DIS3L2: variants seen among roughly 807,000 people sequenced by gnomAD.
DIS3L2 encodes the protein DIS3 like 3'-5' exoribonuclease 2.
DIS3L2 carries 34 observed loss-of-function variants against 97.5 expected under a neutral mutation model. The ratio of observed to expected loss-of-function variants is 0.35; its 90% CI spans 0.27 to 0.46. The LOEUF (loss-of-function observed/expected upper bound fraction) is 0.46, where lower values mean the gene tolerates loss of function less well. Among genes scored for constraint, DIS3L2 ranks in the 20% least tolerant of loss-of-function variants. DIS3L2 has a pLI of 1.00. For missense variants in DIS3L2, 1,038 were observed against 1,146.0 expected, an observed-to-expected ratio of 0.91 and a Z score of 1.36; for synonymous variants, 435 against 445.2, an observed-to-expected ratio of 0.98 and a Z score of 0.29.
intron 6 of DIS3L2, among the ~76,000 whole-genome samples, chr2:232,119,813 G>C (rs1321616494): frequency 1.3e-5 from 2 of 152,208 alleles, no homozygotes; most frequent in African/African-American, 4.8e-5. Context: ...TGAAGCCACT[G>C]CATGGCCAGC....
intron 5 of DIS3L2, among the ~76,000 whole-genome samples, chr2:232,056,377 A>G (rs1695550521): frequency 6.6e-6 from 1 of 151,610 alleles, no homozygotes; most frequent in Non-Finnish European, 1.5e-5. Flanking sequence ...AACAACAACA[A>G]CAACAACAAC....
At chr2:232,109,014 A>G (rs1157073788) in intron 6 of DIS3L2, among the ~76,000 whole-genome samples, 1 of 152,258 alleles carries the variant, frequency 6.6e-6, no homozygotes, top group Non-Finnish European at 1.5e-5. Context: ...TGCTATTCCC[A>G]TTAAACTACC....
chr2:232,336,393 G>A, intron 20 of DIS3L2, 76 bp from the exon 21 acceptor site: 2 of 1,553,554 alleles, frequency 1.3e-6, no homozygotes, highest in Admixed American at 3.9e-5. Flanking sequence ...GGGTCCTGCT[G>A]CAGGGATGGA....
chr2:232,337,195 CTG>C (rs1695988378), downstream of DIS3L2: 1 of 992,586 alleles, frequency 1.0e-6, no homozygotes, highest in East Asian at 1.1e-4. Flanking sequence ...GTATGCAACA[CTG>C]AGAGCGCCCC....
intron 13 of DIS3L2, among the ~76,000 whole-genome samples, chr2:232,284,314 T>C (rs900006091): frequency 6.6e-6 from 1 of 152,196 alleles, no homozygotes; most frequent in Non-Finnish European, 1.5e-5. Context: ...AGGGCTGCAG[T>C]TGTGTGACCC....
chr2:232,092,297 G>A (rs939889555), intron 6 of DIS3L2, among the ~76,000 whole-genome samples: 32 of 152,126 alleles, frequency 2.1e-4, no homozygotes, highest in Non-Finnish European at 8.8e-5. Context: ...GTACCATGCC[G>A]TTTTGGTTAC....
chr2:232,176,577 T>C (rs1226261979), intron 9 of DIS3L2, among the ~76,000 whole-genome samples: 1 of 151,202 alleles, frequency 6.6e-6, no homozygotes, highest in Non-Finnish European at 1.5e-5. Flanking sequence ...AGTTCAGATC[T>C]TTCTATGTTT....
chr2:231,968,679 A>T (rs1173891629), intron 1 of DIS3L2, among the ~76,000 whole-genome samples: 1 of 152,244 alleles, frequency 6.6e-6, no homozygotes, highest in Non-Finnish European at 1.5e-5. Flanking sequence ...AATTTTGTTT[A>T]CAAGGCTTTG....
At chr2:232,329,790 C>CGGGGG in intron 14 of DIS3L2, 23 bp from the exon 15 acceptor site, 13 of 315,318 alleles carry the variant, frequency 4.1e-5, no homozygotes, top group Non-Finnish European at 6.9e-5. Context: ...AGCGGTCCCT[C>CGGGGG]CCATCCCACC....
At chr2:231,999,561 A>T (rs540649145) in intron 1 of DIS3L2, among the ~76,000 whole-genome samples, 1 of 152,152 alleles carries the variant, frequency 6.6e-6, no homozygotes, top group Non-Finnish European at 1.5e-5. Context: ...AACATTGACA[A>T]ACTTGGCTCG....
chr2:232,003,865 T>A lies in DIS3L2; in HGVS notation c.-93-10970T>A, dbSNP rs1329772858. The stretch of plus-strand genomic sequence containing the variant: ...TTGAGGTATTTCTTTTTATGTTGAC[T>A]GCTTTAGATTTTCTCTGTATTGTTC... On this transcript the variant is annotated intron_variant, in intron 1 of 20. Transcript: ENST00000325385. 2.6e-5 allele frequency among the ~76,000 whole-genome samples: 4 copies of A among 152,240 alleles called. No homozygotes were observed. The South Asian group carries it at 6.2e-4, about 24-fold the overall frequency.
At chr2:232,045,926 C>T (rs1574834851) in intron 5 of DIS3L2, among the ~76,000 whole-genome samples, 1 of 152,026 alleles carries the variant, frequency 6.6e-6, no homozygotes. Flanking sequence ...CCACCTGCCT[C>T]GGCCTCCCAA....
At chr2:232,236,983 C>G (rs933987198) in intron 10 of DIS3L2, among the ~76,000 whole-genome samples, 3 of 152,162 alleles carry the variant, frequency 2.0e-5, no homozygotes, top group Admixed American at 6.5e-5. Context: ...CTCCTGGCCT[C>G]AAGTGATCCG....
chr2:232,244,271 A>C (rs1316446891), intron 11 of DIS3L2, among the ~76,000 whole-genome samples: 1 of 152,108 alleles, frequency 6.6e-6, no homozygotes, highest in Non-Finnish European at 1.5e-5. Flanking sequence ...ATCACAGGCA[A>C]ATCCCCAGCT....
At chr2:232,068,194 G>A (rs949185002) in intron 5 of DIS3L2, among the ~76,000 whole-genome samples, 5 of 152,118 alleles carry the variant, frequency 3.3e-5, no homozygotes, top group South Asian at 2.1e-4. Flanking sequence ...ATATATTTTA[G>A]ATTTTTAAAA....
rs1692999444 is a variant in DIS3L2 at position 232,238,641 on chromosome 2, A to G, written c.1313A>G (p.Gln438Arg). Residue 438 changes from glutamine (Q) to arginine (R), a missense_variant, in exon 11 of 21, where the codon CAA (glutamine) becomes CGA (arginine). Physicochemically the swap from Gln to Arg is conservative, Grantham distance 43 (BLOSUM62 1). Coordinates refer to ENST00000325385, the MANE Select transcript of DIS3L2 (RefSeq NM_152383.5). ...AERATSVYLV[Q>R]KVVPMLPRLL... The stretch of plus-strand genomic sequence containing the variant: ...AGGGCTACAAGCGTCTACTTGGTTC[A>G]AAAGGTAAAAATCCATCTCTAGTTT... 2 of 1,611,958 alleles carry G rather than the reference A, an allele frequency of 1.2e-6. No individual in the cohort carries two copies. Among genetic ancestry groups the G allele is most frequent in the South Asian group, 1.1e-5 (1 of 90,516 alleles).
chr2:232,279,506 GTT>G (rs1244826150), intron 13 of DIS3L2, among the ~76,000 whole-genome samples: 219 of 4,432 alleles, frequency 0.049, 3 homozygotes, highest in Middle Eastern at 0.25. Flanking sequence ...TGGTGTGTGT[GTT>G]TGTTTGTTTG....
chr2:231,984,347 C>T (rs1693348575), intron 1 of DIS3L2, among the ~76,000 whole-genome samples: 1 of 150,112 alleles, frequency 6.7e-6, no homozygotes. Context: ...GTCACCCAGG[C>T]TGGAGTGAGT....
At chr2:232,324,836 C>A (rs1276704674) in intron 14 of DIS3L2, among the ~76,000 whole-genome samples, 1 of 152,186 alleles carries the variant, frequency 6.6e-6, no homozygotes, top group Non-Finnish European at 1.5e-5. Context: ...ATTGAGATTA[C>A]ATGAGCTTAA....
Sources: gnomAD v4.1 joint callset for allele counts (sites outside exome capture counted in the v4.1 genomes callset) on GRCh38, gnomAD v4.1.1 for gene constraint, MANE v1.5 for transcripts, NCBI Gene and HGNC (gene_info 2026-07-23, HGNC 2026-07-21) for gene names.